NRXN3: variants seen among roughly 807,000 people sequenced by gnomAD.
The protein encoded by NRXN3 is neurexin 3.
Under a neutral mutation model 137.6 loss-of-function variants are expected in NRXN3, and 32 were observed. That is an observed-to-expected ratio of 0.23 (90% CI 0.18 to 0.31). The LOEUF is 0.31. Among genes scored for constraint, NRXN3 ranks in the 10% least tolerant of loss-of-function variants. NRXN3 has a pLI of 1.00. For synonymous variants in NRXN3, 798 were observed against 784.5 expected (o/e 1.02, Z -0.29); for missense variants, 1,574 against 2,062.5 (o/e 0.76, Z 4.59).
intron 4 of NRXN3, among the ~76,000 whole-genome samples, chr14:78,331,151 C>A (rs1200790394): frequency 1.3e-5 from 2 of 152,016 alleles, no homozygotes; most frequent in Non-Finnish European, 2.9e-5. Context: ...GAAAGGTCAC[C>A]AAAATATATG....
At chr14:78,942,761 A>G (rs2099355574) in intron 10 of NRXN3, among the ~76,000 whole-genome samples, 1 of 152,176 alleles carries the variant, frequency 6.6e-6, no homozygotes, top group South Asian at 2.1e-4. Flanking sequence ...GGAGCATACT[A>G]CATATTAAAT....
At chr14:78,317,694 C>A (rs2078872125) in intron 4 of NRXN3, among the ~76,000 whole-genome samples, 1 of 152,182 alleles carries the variant, frequency 6.6e-6, no homozygotes, top group Non-Finnish European at 1.5e-5. Flanking sequence ...TTTAGAAATA[C>A]CTTCCCAGAC....
intron 20 of NRXN3, among the ~76,000 whole-genome samples, chr14:79,822,979 A>AT (rs1178176929): frequency 1.3e-5 from 2 of 152,178 alleles, no homozygotes; most frequent in African/African-American, 2.4e-5. Context: ...CTAACTCTAG[A>AT]TTTTTTTCAC....
chr14:79,252,759 G>T (rs1476562392), intron 15 of NRXN3, among the ~76,000 whole-genome samples: 1 of 152,164 alleles, frequency 6.6e-6, no homozygotes, highest in Admixed American at 6.6e-5. Context: ...GGGGCAGTCA[G>T]CAACACAATT....
At chr14:79,796,461 C>T (rs2140396611) in intron 19 of NRXN3, among the ~76,000 whole-genome samples, 1 of 152,172 alleles carries the variant, frequency 6.6e-6, no homozygotes, top group Middle Eastern at 3.4e-3. Context: ...CTCCTTCCTC[C>T]CTCCCCTCTC....
intron 6 of NRXN3, among the ~76,000 whole-genome samples, chr14:78,654,331 A>T (rs1159943255): frequency 6.6e-6 from 1 of 152,224 alleles, no homozygotes; most frequent in Admixed American, 6.5e-5. Flanking sequence ...CCTTAAAAAA[A>T]TCTTCTCTTG....
intron 8 of NRXN3, among the ~76,000 whole-genome samples, chr14:78,757,358 T>G (rs1253456273): frequency 6.7e-6 from 1 of 150,290 alleles, no homozygotes; most frequent in East Asian, 2.0e-4. Flanking sequence ...TGCAGTGAGT[T>G]GAGATCGCCA....
intron 4 of NRXN3, among the ~76,000 whole-genome samples, chr14:78,349,187 G>A (rs1311405030): frequency 6.6e-6 from 1 of 152,170 alleles, no homozygotes; most frequent in South Asian, 2.1e-4. Context: ...TAGAACATGC[G>A]TGAAATGAGC....
At chr14:78,450,569 C>T (rs995266) in intron 4 of NRXN3, among the ~76,000 whole-genome samples, 5,710 of 152,244 alleles carry the variant, frequency 0.038, 298 homozygotes, top group East Asian at 0.29. Context: ...GTGGAATCCA[C>T]AAAGCCATAA....
At chr14:78,743,733 T>C (rs1055499742) in intron 8 of NRXN3, among the ~76,000 whole-genome samples, 1 of 152,124 alleles carries the variant, frequency 6.6e-6, no homozygotes, top group African/African-American at 2.4e-5. Context: ...AAGAACGAGG[T>C]TGTAAAGAAC....
intron 16 of NRXN3, among the ~76,000 whole-genome samples, chr14:79,483,576 TCTGAG>T (rs1330046714): frequency 6.6e-6 from 1 of 152,186 alleles, no homozygotes; most frequent in Non-Finnish European, 1.5e-5. Context: ...AGGCATGCAG[TCTGAG>T]CTCCAGTGAC....
At chr14:78,914,767 G>A (rs1046231312) in intron 10 of NRXN3, among the ~76,000 whole-genome samples, 35 of 152,202 alleles carry the variant, frequency 2.3e-4, no homozygotes, top group African/African-American at 7.9e-4. Context: ...AGGAATAACT[G>A]GGAAGAAGAG....
chr14:78,206,360 G>A (rs1048661575), intron 1 of NRXN3, among the ~76,000 whole-genome samples: 3 of 152,104 alleles, frequency 2.0e-5, no homozygotes, highest in Non-Finnish European at 4.4e-5. Flanking sequence ...TGTTTTCTTG[G>A]AATACAGCCA....
chr14:78,197,784 C>T (rs184796426), intron 1 of NRXN3, among the ~76,000 whole-genome samples: 69 of 152,312 alleles, frequency 4.5e-4, no homozygotes, highest in African/African-American at 1.6e-3. Context: ...GCTTCCTTCT[C>T]CTCTCCTGCT....
At chr14:78,711,824 C>T (rs1412598659) in intron 7 of NRXN3, among the ~76,000 whole-genome samples, 1 of 152,138 alleles carries the variant, frequency 6.6e-6, no homozygotes, top group Non-Finnish European at 1.5e-5. Context: ...CCCATGAAAG[C>T]AGTATAATCT....
At chr14:79,488,762 T>G (rs923970956) in intron 16 of NRXN3, among the ~76,000 whole-genome samples, 1 of 152,178 alleles carries the variant, frequency 6.6e-6, no homozygotes, top group African/African-American at 2.4e-5. Flanking sequence ...AAAGAAAGTT[T>G]TAAGCTCATC....
intron 15 of NRXN3, among the ~76,000 whole-genome samples, chr14:79,260,526 G>A (rs748263354): frequency 6.6e-6 from 1 of 152,112 alleles, no homozygotes; most frequent in Non-Finnish European, 1.5e-5. Context: ...CAACATAGGT[G>A]TATATTGTCT....
chr14:78,921,945 A>C (rs1394911252), intron 10 of NRXN3, among the ~76,000 whole-genome samples: 1 of 152,218 alleles, frequency 6.6e-6, no homozygotes. Flanking sequence ...CCTTGAGGAA[A>C]CATATTTGTC....
intron 2 of NRXN3, among the ~76,000 whole-genome samples, chr14:78,271,083 T>C (rs1318266614): frequency 6.6e-6 from 1 of 152,224 alleles, no homozygotes; most frequent in Non-Finnish European, 1.5e-5. Flanking sequence ...TTACAATGAT[T>C]CATAAGCTTC....
Sources: gnomAD v4.1 joint callset for allele counts (sites outside exome capture counted in the v4.1 genomes callset) on GRCh38, gnomAD v4.1.1 for gene constraint, MANE v1.5 for transcripts, NCBI Gene and HGNC (gene_info 2026-07-23, HGNC 2026-07-21) for gene names.